KICS2: variants seen among roughly 807,000 people sequenced by gnomAD.
The protein encoded by KICS2 is KICSTOR complex protein C12orf66.
Under a neutral mutation model 31.4 loss-of-function variants are expected in KICS2, and 13 were observed. The ratio of observed to expected loss-of-function variants is 0.41; its 90% confidence interval spans 0.27 to 0.66. The LOEUF (loss-of-function observed/expected upper bound fraction) is 0.66, where lower values mean the gene tolerates loss of function less well. KICS2 is among the 30% of genes least tolerant of loss of function. KICS2 has a pLI of 0.28. For synonymous variants in KICS2, 209 were observed against 214.8 expected (o/e 0.97, Z 0.24); for missense variants, 455 against 545.4 (o/e 0.83, Z 1.65).
In KICS2 at chr12:64,221,724, T is replaced by C. The variant is rs545722430; in HGVS notation, c.235+279A>G. 6 of 527,780 alleles carry C rather than the reference T, an allele frequency of 1.1e-5. No individual in the cohort carries two copies. The East Asian group carries it at 1.9e-4, about 16-fold the overall frequency. The allele number at this position is 527,780 out of a possible 1,614,324, so 32.7% of individuals were successfully genotyped here. A position where few individuals can be genotyped will look rare whatever the true frequency, so the allele number is the denominator to read the frequency against. Reference sequence around the variant, plus strand: ...TTTGGTTAACTTCTCATTTATGGCATCAATCCATGCACGAGGCAAAAGGGC... The same window carrying C: ...TTTGGTTAACTTCTCATTTATGGCACCAATCCATGCACGAGGCAAAAGGGC... On this transcript the variant is annotated intron_variant, in intron 1 of 2. Transcript: ENST00000398055.
At chr12:64,205,420 C>G (rs914974436) in intron 2 of KICS2, among the ~76,000 whole-genome samples, 4 of 152,184 alleles carry the variant, frequency 2.6e-5, no homozygotes, top group African/African-American at 7.2e-5. Context: ...TATCATTTCC[C>G]TATTTCCACT....
chr12:64,220,418 A>G (rs1252710453), intron 1 of KICS2, among the ~76,000 whole-genome samples: 1 of 152,178 alleles, frequency 6.6e-6, no homozygotes, highest in South Asian at 2.1e-4. Context: ...AATGGAGTCA[A>G]TAAATAGACT....
intron 2 of KICS2, among the ~76,000 whole-genome samples, chr12:64,201,773 G>GA (rs1280671753): frequency 9.5e-6 from 1 of 105,292 alleles, no homozygotes; most frequent in East Asian, 2.2e-4. Context: ...AACCTGGGGT[G>GA]GGGGGGCAAG....
At chr12:64,212,489 T>C (rs1186858040) in intron 2 of KICS2, among the ~76,000 whole-genome samples, 1 of 152,256 alleles carries the variant, frequency 6.6e-6, no homozygotes, top group African/African-American at 2.4e-5. Flanking sequence ...TCATCCATGT[T>C]GTTGCATGTG....
intron 2 of KICS2, among the ~76,000 whole-genome samples, chr12:64,212,137 AT>A (rs76059015): frequency 0.25 from 37,321 of 151,580 alleles, 4,878 homozygotes; most frequent in East Asian, 0.46. Context: ...TTGTACAGTC[AT>A]TTTTTTTTAG....
intron 2 of KICS2, among the ~76,000 whole-genome samples, chr12:64,196,298 CCCCG>C (rs1342810506): frequency 5.9e-5 from 9 of 151,776 alleles, no homozygotes; most frequent in Non-Finnish European, 1.2e-4. Context: ...GACCCCTGAC[CCCCG>C]AGCAGCCTAA....
At position 64,194,556 on chromosome 12, in the gene KICS2, C is replaced by T. The variant is rs1435792494; in HGVS notation, c.624G>A (p.Lys208=). ...GTAAATTAACCAGAGATGGGAGGAA[C>T]TTCCACTCTGAGACCTGGGCCTGGG... ...LKAQAQVSEW[K]FLPSLVNLHS... The change falls in exon 3 of 3, where the codon AAG becomes AAA. Residue 208 remains lysine, a synonymous_variant. Transcript: ENST00000398055. 2 of 1,614,038 alleles carry T rather than the reference C, an allele frequency of 1.2e-6. No individual in the cohort carries two copies. The highest frequency in any genetic ancestry group is 1.7e-5 in the Admixed American group (1 of 59,998).
intron 2 of KICS2, among the ~76,000 whole-genome samples, chr12:64,212,481 A>C (rs1057163135): frequency 1.3e-5 from 2 of 152,216 alleles, no homozygotes; most frequent in Admixed American, 6.5e-5. Flanking sequence ...CTCAAGGTTC[A>C]TCCATGTTGT....
intron 2 of KICS2, among the ~76,000 whole-genome samples, chr12:64,201,122 T>A (rs1161042769): frequency 1.4e-5 from 2 of 146,750 alleles, no homozygotes; most frequent in Admixed American, 6.9e-5. Flanking sequence ...CCCAAATGAC[T>A]ATAAATCATG....
intron 1 of KICS2, among the ~76,000 whole-genome samples, chr12:64,216,986 C>A (rs1301135077): frequency 2.0e-5 from 3 of 152,154 alleles, no homozygotes; most frequent in Admixed American, 2.0e-4. Flanking sequence ...ATTTTCTCTT[C>A]AATGAATTTA....
Position 64,196,416 on chromosome 12 carries a change from A to C in KICS2, c.522-1758T>G, listed in dbSNP as rs1449153452. ...TGTCTGTTAGAAGGAAAACTAACAA[A>C]CAGAAAGGACATCCACACCGAAAAC... On this transcript the variant is annotated intron_variant, in intron 2 of 2. Coordinates refer to ENST00000398055, the MANE Select transcript of KICS2 (RefSeq NM_152440.5). Among the ~76,000 whole-genome samples the C allele has an allele frequency of 6.7e-5, 10 of 150,324 alleles. 1 individual carries two copies. Among genetic ancestry groups the C allele is most frequent in the Admixed American group, 4.0e-4 (6 of 15,122 alleles).
At chr12:64,197,541 A>G (rs1168030862) in intron 2 of KICS2, among the ~76,000 whole-genome samples, 1 of 151,236 alleles carries the variant, frequency 6.6e-6, no homozygotes, top group East Asian at 1.9e-4. Flanking sequence ...AACTGCATCA[A>G]CTAACGAGCA....
intron 2 of KICS2, among the ~76,000 whole-genome samples, chr12:64,201,700 G>C (rs528183648): frequency 6.6e-6 from 1 of 150,752 alleles, no homozygotes; most frequent in Admixed American, 6.6e-5. Context: ...AAAATTAGCC[G>C]GGCATGGTGA....
intron 1 of KICS2, among the ~76,000 whole-genome samples, chr12:64,217,844 A>C (rs2037643517): frequency 6.6e-6 from 1 of 151,020 alleles, no homozygotes; most frequent in South Asian, 2.1e-4. Context: ...AGAAGGAAGG[A>C]AGGAAGAAAA....
downstream of KICS2, among the ~76,000 whole-genome samples, chr12:64,188,194 A>C (rs2037353371): frequency 6.6e-6 from 1 of 152,216 alleles, no homozygotes; most frequent in Non-Finnish European, 1.5e-5. Context: ...AAGGTGGCTA[A>C]AGCAGAAGCT....
chr12:64,210,850 C>A (rs2037576456), intron 2 of KICS2, among the ~76,000 whole-genome samples: 1 of 152,142 alleles, frequency 6.6e-6, no homozygotes, highest in African/African-American at 2.4e-5. Flanking sequence ...CCAGGAGACA[C>A]ACACACACAC....
intron 2 of KICS2, among the ~76,000 whole-genome samples, chr12:64,213,763 C>A (rs143603202): frequency 2.0e-5 from 3 of 152,344 alleles, no homozygotes; most frequent in Admixed American, 2.0e-4. Context: ...GCAACTCACA[C>A]TCAACTTGCC....
chr12:64,188,874 G>T (rs1236041186), downstream of KICS2, among the ~76,000 whole-genome samples: 1 of 152,014 alleles, frequency 6.6e-6, no homozygotes, highest in Non-Finnish European at 1.5e-5. Context: ...ATAAATAAAG[G>T]CCAGGCACGG....
chr12:64,218,152 C>T (rs790016), intron 1 of KICS2, among the ~76,000 whole-genome samples: 106,288 of 152,088 alleles, frequency 0.7, 37,691 homozygotes, highest in Middle Eastern at 0.84. Flanking sequence ...CTGTTCCCTA[C>T]AGGGTTTGCC....
Sources: gnomAD v4.1 joint callset for allele counts (sites outside exome capture counted in the v4.1 genomes callset) on GRCh38, gnomAD v4.1.1 for gene constraint, MANE v1.5 for transcripts, NCBI Gene and HGNC (gene_info 2026-07-23, HGNC 2026-07-21) for gene names.